GRID1: variants seen among roughly 807,000 people sequenced by gnomAD.
GRID1 encodes the protein glutamate ionotropic receptor delta type subunit 1.
Under a neutral mutation model 98.0 loss-of-function variants are expected in GRID1, and 28 were observed. The observed-to-expected ratio is 0.29, with a 90% CI of 0.21 to 0.39. The LOEUF is 0.39. Among genes scored for constraint, GRID1 ranks in the 10% least tolerant of loss-of-function variants. The pLI, the probability that GRID1 is intolerant of heterozygous loss-of-function variation, is 1.00. For missense variants in GRID1, 1,111 were observed against 1,340.5 expected (o/e 0.83, Z 2.67); for synonymous variants, 553 against 538.5 (o/e 1.03, Z -0.37).
In GRID1 at chr10:85,833,630, A is replaced by G. The variant is rs1055097530; in HGVS notation, c.1233+20866T>C. Among the ~76,000 whole-genome samples the G allele has an allele frequency of 3.3e-5, 5 of 152,344 alleles. No individual in the cohort carries two copies. In the Middle Eastern group the frequency reaches 0.01, roughly 311 times the overall value. ...AGGAAAACCACAACTTGAATAAGAA[A>G]AAATGATCAACTGATGCTAAGACCA... is the stretch of plus-strand genomic sequence containing the variant. On this transcript the variant is annotated intron_variant, in intron 8 of 15. Coordinates refer to ENST00000327946, the MANE Select transcript of GRID1 (RefSeq NM_017551.3).
chr10:86,264,815 C>A, intron 2 of GRID1: 1 of 470,236 alleles, frequency 2.1e-6, no homozygotes, highest in Non-Finnish European at 4.4e-6. Flanking sequence ...GTGTCACCGC[C>A]GCCCCTTCCT....
intron 8 of GRID1, among the ~76,000 whole-genome samples, chr10:85,733,368 T>G (rs1841845749): frequency 6.6e-6 from 1 of 152,132 alleles, no homozygotes; most frequent in Non-Finnish European, 1.5e-5. Context: ...TCTCCAACCT[T>G]GCCTCGAATT....
At chr10:85,797,727 G>A (rs926997151) in intron 8 of GRID1, among the ~76,000 whole-genome samples, 4 of 151,482 alleles carry the variant, frequency 2.6e-5, no homozygotes, top group African/African-American at 7.3e-5. Context: ...CTGGGATTAC[G>A]GTGTGAGCCA....
At chr10:86,105,081 T>TGATTTAC (rs1844361280) in intron 4 of GRID1, among the ~76,000 whole-genome samples, 5 of 152,194 alleles carry the variant, frequency 3.3e-5, no homozygotes, top group South Asian at 4.1e-4. Flanking sequence ...TTTAAGGAAG[T>TGATTTAC]GATTTACGGT....
At chr10:86,240,449 C>T (rs1288373398) in intron 2 of GRID1, among the ~76,000 whole-genome samples, 1 of 152,158 alleles carries the variant, frequency 6.6e-6, no homozygotes, top group Non-Finnish European at 1.5e-5. Context: ...GCACTGAGCC[C>T]CATGCTGGAG....
chr10:85,846,180 T>A (rs572523390), intron 8 of GRID1, among the ~76,000 whole-genome samples: 1 of 152,224 alleles, frequency 6.6e-6, no homozygotes, highest in African/African-American at 2.4e-5. Flanking sequence ...AACAAGGCAT[T>A]CCAAAACAAG....
chr10:85,853,341 G>A (rs1268659735), intron 8 of GRID1, among the ~76,000 whole-genome samples: 1 of 152,230 alleles, frequency 6.6e-6, no homozygotes, highest in Non-Finnish European at 1.5e-5. Flanking sequence ...TTTGCTGAGG[G>A]CTTATCCAGC....
At chr10:85,785,381 C>A (rs898032931) in intron 8 of GRID1, among the ~76,000 whole-genome samples, 5 of 152,170 alleles carry the variant, frequency 3.3e-5, no homozygotes, top group South Asian at 2.1e-4. Flanking sequence ...AACAGACCCA[C>A]AGCAGGAAGC....
chr10:85,758,782 T>C (rs1446189421), intron 8 of GRID1, among the ~76,000 whole-genome samples: 1 of 152,180 alleles, frequency 6.6e-6, no homozygotes, highest in African/African-American at 2.4e-5. Context: ...TTAAATGTAC[T>C]AGAGCATCTA....
At chr10:86,318,927 G>A (rs1172209801) in intron 2 of GRID1, among the ~76,000 whole-genome samples, 1 of 152,166 alleles carries the variant, frequency 6.6e-6, no homozygotes, top group African/African-American at 2.4e-5. Context: ...GAAGCTCTAT[G>A]GAAAAACAGA....
At chr10:86,233,170 T>G (rs1846482594) in intron 2 of GRID1, among the ~76,000 whole-genome samples, 2 of 143,644 alleles carry the variant, frequency 1.4e-5, no homozygotes, top group Non-Finnish European at 3.1e-5. Flanking sequence ...AGCTGAACAG[T>G]CTCAGCCACC....
rs1848683324 is a variant in GRID1 at position 86,366,495 on chromosome 10, G to A, written c.-103C>T. 2 of 643,126 alleles carry A rather than the reference G, an allele frequency of 3.1e-6. No homozygotes were observed. Among genetic ancestry groups the A allele is most frequent in the Non-Finnish European group, 2.2e-6 (1 of 454,160 alleles). 39.8% of individuals were successfully genotyped at this position (643,126 alleles called of 1,614,324 possible). ...CGGTGCAGTCCCGGGCCGCTCCCCG[G>A]GAGAGCCGAGCCCGCCCGTGCGTCT... is the stretch of plus-strand genomic sequence containing the variant. On this transcript the variant is annotated 5_prime_UTR_variant, in exon 1 of 16. Transcript: ENST00000327946. This position sits in a 1 kb window ranked among gnomAD's most constrained non-coding sequence, Gnocchi z 4.1.
chr10:85,608,494 A>G (rs1436225493), intron 15 of GRID1, among the ~76,000 whole-genome samples: 1 of 152,230 alleles, frequency 6.6e-6, no homozygotes, highest in Non-Finnish European at 1.5e-5. Flanking sequence ...TCATTCATTC[A>G]ATAAACGTGT....
chr10:86,363,935 A>C lies in GRID1; in HGVS notation c.235+6T>G. 6.2e-7 allele frequency: 1 copy of C among 1,612,792 alleles called. No individual in the cohort carries two copies. Among genetic ancestry groups the C allele is most frequent in the Non-Finnish European group, 8.5e-7 (1 of 1,179,142 alleles). ...CCAGTGGGCCCTGGGCACAGCGGTCACTCACCTTCCTGCACAGCCTGGAAT... is the reference window on the plus strand; with the variant it reads ...CCAGTGGGCCCTGGGCACAGCGGTCCCTCACCTTCCTGCACAGCCTGGAAT... On this transcript the variant is annotated splice_donor_region_variant and intron_variant, in intron 2 of 15. Coordinates refer to ENST00000327946, the MANE Select transcript of GRID1 (RefSeq NM_017551.3).
rs74759396 is a variant in GRID1 at position 86,156,056 on chromosome 10, A to G, written c.521-17032T>C. ...AGGCTGGAGAAGGAGTCAGATATAG[A>G]GACAGCTGCAACAAGCTGCAAAATT... On this transcript the variant is annotated intron_variant, in intron 3 of 15. Coordinates refer to ENST00000327946, the MANE Select transcript of GRID1 (RefSeq NM_017551.3). 4.2e-3 allele frequency among the ~76,000 whole-genome samples: 638 copies of G among 152,338 alleles called. 10 individuals carry two copies. Among genetic ancestry groups the G allele is most frequent in the African/African-American group, 0.014 (596 of 41,572 alleles).
chr10:85,961,634 GT>G (rs2131849412), intron 4 of GRID1, among the ~76,000 whole-genome samples: 1 of 141,130 alleles, frequency 7.1e-6, no homozygotes, highest in South Asian at 2.2e-4. Flanking sequence ...CCTTTCATCT[GT>G]TTTTCTCTCT....
At chr10:85,986,237 C>T (rs1046938481) in intron 4 of GRID1, among the ~76,000 whole-genome samples, 1 of 152,150 alleles carries the variant, frequency 6.6e-6, no homozygotes, top group Non-Finnish European at 1.5e-5. Flanking sequence ...CAAATTTAAC[C>T]AAGAAAAACC....
intron 2 of GRID1, among the ~76,000 whole-genome samples, chr10:86,262,210 T>A (rs900875003): frequency 6.6e-6 from 1 of 152,234 alleles, no homozygotes; most frequent in South Asian, 2.1e-4. Flanking sequence ...CTCGGAGCTC[T>A]GCTCCTACTG....
At chr10:86,121,549 A>C in intron 4 of GRID1, among the ~76,000 whole-genome samples, 1 of 123,720 alleles carries the variant, frequency 8.1e-6, no homozygotes. Context: ...CATCACCATT[A>C]TCTCACCATC....
Sources: gnomAD v4.1 joint callset for allele counts (sites outside exome capture counted in the v4.1 genomes callset) on GRCh38, gnomAD v4.1.1 for gene constraint, Gnocchi (gnomAD v3.1) non-coding constraint, MANE v1.5 for transcripts, NCBI Gene and HGNC (gene_info 2026-07-23, HGNC 2026-07-21) for gene names.